The following ARHGEF37 variants were observed in gnomAD, a reference collection of about 807,000 sequenced individuals.
ARHGEF37 encodes Rho guanine nucleotide exchange factor 37.
A neutral mutation model predicts 71.1 loss-of-function variants in ARHGEF37; 55 were observed. That is an observed-to-expected ratio of 0.77 (90% CI 0.62 to 0.97). ARHGEF37 has a LOEUF of 0.97. ARHGEF37 is among the 50% of genes least tolerant of loss of function. The pLI, the probability that ARHGEF37 is intolerant of heterozygous loss-of-function variation, is 0.00. For synonymous variants in ARHGEF37, 327 were observed against 350.6 expected (o/e 0.93, Z 0.75); for missense variants, 765 against 836.8 (o/e 0.91, Z 1.06).
intron 1 of ARHGEF37, among the ~76,000 whole-genome samples, chr5:149,595,202 G>T (rs1408335833): frequency 2.0e-5 from 3 of 152,118 alleles, no homozygotes; most frequent in Admixed American, 1.3e-4. Flanking sequence ...TTGAGACAGG[G>T]TCTCGCTCTG....
In ARHGEF37 at chr5:149,633,577, C is replaced by G. The variant is rs1432582608; in HGVS notation, c.*1386C>G. On this transcript the variant is annotated 3_prime_UTR_variant, in exon 13 of 13. Coordinates refer to ENST00000333677, the MANE Select transcript of ARHGEF37 (RefSeq NM_001001669.3). ...TGGGGTGGTCATGTCTAGGCTGTTG[C>G]TCTGGGCAAAGATAAGTTGCAAGAT... is the stretch of plus-strand genomic sequence containing the variant. 1 of 152,232 alleles carries G rather than the reference C, an allele frequency of 6.6e-6. No homozygotes were observed. The highest frequency in any genetic ancestry group is 6.5e-5 in the Admixed American group (1 of 15,284). 9.4% of individuals were successfully genotyped at this position (152,232 alleles called of 1,614,324 possible).
In ARHGEF37 at chr5:149,609,636, C is replaced by T. The variant is rs1479194132; in HGVS notation, c.399C>T (p.Asp133=). Residue 133 remains aspartate (D), a synonymous_variant, in exon 4 of 13, where the codon GAC becomes GAT. Transcript: ENST00000333677. The part of the protein sequence containing the change: ...ASYDQALLLV[D]TYRKEPELQR... ...ACGACCAGGCCTTGCTACTGGTGGA[C>T]ACGTACCGGAAGGAGCCGGAGCTGC... The T allele has an allele frequency of 1.9e-6, 3 of 1,613,264 alleles. No homozygotes were observed. The highest frequency in any genetic ancestry group is 3.3e-5 in the Admixed American group (2 of 60,030).
chr5:149,634,471 T>C lies in ARHGEF37; in HGVS notation c.*2280T>C, dbSNP rs1752973932. ...CATAAGGGAGGAAAATAAAATATAC[T>C]TGGAACCAAGTCTATGTCATGAAGG... On this transcript the variant is annotated 3_prime_UTR_variant, in exon 13 of 13. Coordinates refer to ENST00000333677, the MANE Select transcript of ARHGEF37 (RefSeq NM_001001669.3). 6.6e-6 allele frequency: 1 copy of C among 152,608 alleles called. No individual in the cohort carries two copies. Among genetic ancestry groups the C allele is most frequent in the South Asian group, 2.1e-4 (1 of 4,824 alleles). The allele number at this position is 152,608 out of a possible 1,614,324, so 9.5% of individuals were successfully genotyped here.
At position 149,597,848 on chromosome 5, in the gene ARHGEF37, T is replaced by C. The variant is rs200589667; in HGVS notation, c.79T>C (p.Ser27Pro). 3.0e-5 allele frequency: 49 copies of C among 1,610,316 alleles called. No individual in the cohort carries two copies. Among genetic ancestry groups the C allele is most frequent in the Non-Finnish European group, 3.7e-5 (44 of 1,178,490 alleles). Residue 27 changes from serine (S) to proline (P), a missense_variant, in exon 2 of 13, where the codon TCG becomes CCG. Transcript: ENST00000333677. ...DREGRASEDR[S>P]LLHQRLAVRE... Reference sequence around the variant, plus strand: ...GGAAGGTAGGGCCTCTGAGGACAGATCGCTGCTTCATCAGAGGCTGGCTGT... The same window carrying C: ...GGAAGGTAGGGCCTCTGAGGACAGACCGCTGCTTCATCAGAGGCTGGCTGT...
chr5:149,609,116 A>G (rs1763998040), intron 3 of ARHGEF37, among the ~76,000 whole-genome samples: 1 of 152,106 alleles, frequency 6.6e-6, no homozygotes. Context: ...CCTGGGAGGC[A>G]GAGGTTGCAG....
At chr5:149,609,868 A>G (rs1344278700) in intron 4 of ARHGEF37, among the ~76,000 whole-genome samples, 173 bp downstream of exon 4, 1 of 152,068 alleles carries the variant, frequency 6.6e-6, no homozygotes. Flanking sequence ...CAGCTCCCAC[A>G]TCTCAGTGGT....
upstream of ARHGEF37, among the ~76,000 whole-genome samples, chr5:149,580,843 CG>C: frequency 6.6e-6 from 1 of 152,270 alleles, no homozygotes; most frequent in Middle Eastern, 3.4e-3. Flanking sequence ...TTGGTTGCCC[CG>C]ATATGAAACT....
At chr5:149,619,784 G>A (rs948704452) in intron 7 of ARHGEF37, among the ~76,000 whole-genome samples, 7 of 152,100 alleles carry the variant, frequency 4.6e-5, no homozygotes, top group Admixed American at 1.3e-4. Context: ...AAAAACAAAC[G>A]CACTGCTGGG....
intron 1 of ARHGEF37, among the ~76,000 whole-genome samples, chr5:149,595,164 TTTTG>T (rs768264345): frequency 5.0e-4 from 76 of 152,130 alleles, no homozygotes; most frequent in Admixed American, 7.2e-4. Flanking sequence ...TTGTTGTTGT[TTTTG>T]TTTGTTCGTT....
chr5:149,614,683 C>A (rs1211822521), intron 4 of ARHGEF37, among the ~76,000 whole-genome samples: 1 of 152,148 alleles, frequency 6.6e-6, no homozygotes, highest in African/African-American at 2.4e-5. Context: ...GTCAGCCAAG[C>A]CCCAGGACAC....
At chr5:149,556,334 C>T (rs1762755457) in intron 1 of ARHGEF37, among the ~76,000 whole-genome samples, 1 of 152,110 alleles carries the variant, frequency 6.6e-6, no homozygotes, top group African/African-American at 2.4e-5. Flanking sequence ...GCTGGGATTA[C>T]AGGCACATGC....
intron 4 of ARHGEF37, among the ~76,000 whole-genome samples, chr5:149,610,540 C>T (rs1371782992): frequency 6.6e-6 from 1 of 152,116 alleles, no homozygotes; most frequent in South Asian, 2.1e-4. Context: ...ATCTACAGTG[C>T]TGGGACAACA....
chr5:149,591,406 T>A (rs953017649), intron 1 of ARHGEF37, among the ~76,000 whole-genome samples: 8 of 151,472 alleles, frequency 5.3e-5, no homozygotes, highest in South Asian at 2.1e-4. Context: ...TTTTAAGAGA[T>A]GAGGTCTCTC....
At chr5:149,604,335 T>C (rs1763843312) in intron 3 of ARHGEF37, among the ~76,000 whole-genome samples, 1 of 152,154 alleles carries the variant, frequency 6.6e-6, no homozygotes, top group Admixed American at 6.5e-5. Context: ...AGTATAAGTA[T>C]ATCCCAAATG....
At chr5:149,580,797 G>A (rs1054339178), upstream of ARHGEF37, among the ~76,000 whole-genome samples, 6 of 152,178 alleles carry the variant, frequency 3.9e-5, 1 homozygote, top group South Asian at 2.1e-4. Context: ...AATGAGAAAA[G>A]CTAATCTAGT....
chr5:149,571,634 A>G (rs538012899), intron 1 of ARHGEF37, among the ~76,000 whole-genome samples: 5 of 152,314 alleles, frequency 3.3e-5, no homozygotes. Flanking sequence ...GAAATTGACA[A>G]CGTGGGCCAG....
intron 10 of ARHGEF37, among the ~76,000 whole-genome samples, chr5:149,624,433 A>G (rs1379273013): frequency 6.6e-6 from 1 of 152,248 alleles, no homozygotes; most frequent in African/African-American, 2.4e-5. Context: ...ATGATGGGCA[A>G]CTGGCATTGA....
intron 1 of ARHGEF37, among the ~76,000 whole-genome samples, chr5:149,573,161 T>G (rs1345560130): frequency 6.6e-6 from 1 of 152,074 alleles, no homozygotes; most frequent in African/African-American, 2.4e-5. Flanking sequence ...GAGTAAGAAT[T>G]TACTCACTAC....
At position 149,556,287 on chromosome 5, in the gene ARHGEF37, G is replaced by A. The variant is rs373452304; in HGVS notation, c.-12+4164G>A. Among the ~76,000 whole-genome samples the A allele has an allele frequency of 3.1e-3, 468 of 152,218 alleles. 3 individuals are homozygous for A. Among genetic ancestry groups the A allele is most frequent in the African/African-American group, 0.011 (449 of 41,532 alleles). On this transcript the variant is annotated intron_variant, in intron 1 of 2. Transcript: ENST00000505810. ...CAGCTCACTGCAACCTCCGCCTCCCGGGTGCAAGTGATTCTCCTGCCTCAG... is the reference window on the plus strand; with the variant it reads ...CAGCTCACTGCAACCTCCGCCTCCCAGGTGCAAGTGATTCTCCTGCCTCAG...
Sources: allele counts gnomAD v4.1 joint callset (sites outside exome capture counted in the v4.1 genomes callset), GRCh38; gene constraint gnomAD v4.1.1; transcripts MANE v1.5; gene names NCBI Gene and HGNC (gene_info 2026-07-23, HGNC 2026-07-21).